SYN1: variants seen among roughly 807,000 people sequenced by gnomAD.
SYN1 encodes synapsin I, also known as synapsin-1.
Under a neutral mutation model 44.6 loss-of-function variants are expected in SYN1, and 8 were observed. That is an observed-to-expected ratio of 0.18 (90% confidence interval 0.11 to 0.32). The LOEUF (loss-of-function observed/expected upper bound fraction) is 0.32. Ranked by LOEUF, SYN1 falls within the 10% of genes least tolerant of loss-of-function variation. SYN1 has a pLI of 1.00. For synonymous variants in SYN1, 275 were observed against 280.1 expected, an observed-to-expected ratio of 0.98 and a Z score of 0.18; for missense variants, 451 against 639.4, an observed-to-expected ratio of 0.71 and a Z score of 3.18.
intron 5 of SYN1, among the ~76,000 whole-genome samples, chrX:47,603,626 C>T (rs1359212881): frequency 9.0e-6 from 1 of 110,664 alleles, no homozygotes; most frequent in Non-Finnish European, 1.9e-5. Context: ...TTTATTCTGG[C>T]ACATTGTAGC....
chrX:47,612,088 G>A (rs2057918209), intron 1 of SYN1, among the ~76,000 whole-genome samples: 1 of 111,632 alleles, frequency 9.0e-6, no homozygotes, highest in Non-Finnish European at 1.9e-5. Flanking sequence ...TGCCATTTAG[G>A]CCAGATGATC....
At position 47,585,382 on chromosome X, in the gene SYN1, C is replaced by A. The variant is rs189627564; in HGVS notation, c.775-7881G>T. 4 of 1,204,855 alleles carry A rather than the reference C, an allele frequency of 3.3e-6. No homozygotes were observed. In the African/African-American group the frequency reaches 7.0e-5, roughly 21 times the overall value. Reference sequence around the variant, plus strand: ...GCCACACCAACCAGTCCCTGGGGCGCGGCCTAGCAACCACGAGGGGGCGAG... The same window carrying A: ...GCCACACCAACCAGTCCCTGGGGCGAGGCCTAGCAACCACGAGGGGGCGAG... On this transcript the variant is annotated intron_variant, in intron 5 of 12. Transcript: ENST00000295987.
intron 5 of SYN1, among the ~76,000 whole-genome samples, chrX:47,589,429 TA>T (rs1487439302): frequency 9.7e-6 from 1 of 102,853 alleles, no homozygotes; most frequent in Non-Finnish European, 2.0e-5. Flanking sequence ...CTGTCTCTAC[TA>T]AAAATACCAA....
chrX:47,589,037 G>C (rs1287352541), intron 5 of SYN1, among the ~76,000 whole-genome samples: 1 of 111,116 alleles, frequency 9.0e-6, no homozygotes, highest in Non-Finnish European at 1.9e-5. Context: ...CATGGTGGCT[G>C]ACGCCTGTAA....
intron 3 of SYN1, among the ~76,000 whole-genome samples, 196 bp downstream of exon 3, chrX:47,606,749 A>ATTT (rs1449578745): frequency 1.1e-4 from 11 of 98,938 alleles, no homozygotes; most frequent in African/African-American, 4.5e-4. Flanking sequence ...ATATATATAT[A>ATTT]TATTTTTTTT....
At chrX:47,616,297 G>A (rs577320454) in intron 1 of SYN1, among the ~76,000 whole-genome samples, 1 of 111,813 alleles carries the variant, frequency 8.9e-6, no homozygotes, top group Non-Finnish European at 1.9e-5. Context: ...ATAAAGGGGG[G>A]CTTCTGAGAT....
At chrX:47,607,716 CA>C (rs1349491913) in intron 1 of SYN1, among the ~76,000 whole-genome samples, 5 of 16,194 alleles carry the variant, frequency 3.1e-4, no homozygotes, top group Non-Finnish European at 4.5e-4. Flanking sequence ...CCCATCTCTA[CA>C]AAAAAAATTG....
At position 47,598,495 on chromosome X, in the gene SYN1, C is replaced by T. The variant is rs374115759; in HGVS notation, c.774+6483G>A. ...GTAACTTGAGCTCAGGAGTTTGAGACCAGCATGGGCAACATGGCAAGGTCC... is the reference window on the plus strand; with the variant it reads ...GTAACTTGAGCTCAGGAGTTTGAGATCAGCATGGGCAACATGGCAAGGTCC... On this transcript the variant is annotated intron_variant, in intron 5 of 12. Transcript: ENST00000295987. Among the ~76,000 whole-genome samples the T allele has an allele frequency of 1.9e-4, 21 of 111,079 alleles. No homozygotes were observed. In the South Asian group the frequency reaches 7.9e-3, roughly 42 times the overall value.
Position 47,608,230 on chromosome X carries a change from G to A in SYN1, c.378-1032C>T, listed in dbSNP as rs767181690. 2.0e-3 allele frequency among the ~76,000 whole-genome samples: 14 copies of A among 6,968 alleles called. No homozygotes were observed. In the East Asian group the frequency reaches 0.18, roughly 89 times the overall value. 6.1% of individuals were successfully genotyped at this position (6,968 alleles called of 115,157 possible). ...AGAGAAAGAAATAAAGAGAAAGGAA[G>A]GAAGGAAGGAAGGAAGGAAGGAAGG... On this transcript the variant is annotated intron_variant, in intron 1 of 12. Transcript: ENST00000295987.
At chrX:47,585,164 T>C (rs755153425) in intron 5 of SYN1, 1 of 1,169,366 alleles carries the variant, frequency 8.6e-7, no homozygotes, top group Admixed American at 2.4e-5. Context: ...AGTGGGAGGA[T>C]TATGTCAGTA....
chrX:47,594,641 A>T (rs776164084), intron 5 of SYN1, among the ~76,000 whole-genome samples: 2 of 111,701 alleles, frequency 1.8e-5, no homozygotes, highest in South Asian at 3.6e-4. Context: ...CTCTGAACAG[A>T]CAGGCCTTGC....
intron 5 of SYN1, chrX:47,604,689 T>G (rs1030380880): frequency 3.5e-5 from 12 of 342,096 alleles, no homozygotes; most frequent in African/African-American, 3.1e-4. Flanking sequence ...ATATTCTGAT[T>G]CATTACATTA....
intron 5 of SYN1, among the ~76,000 whole-genome samples, chrX:47,583,768 A>G (rs762864743): frequency 4.5e-5 from 5 of 111,538 alleles, no homozygotes; most frequent in Non-Finnish European, 9.4e-5. Flanking sequence ...AGGTATCCAC[A>G]TGGGTGGCTG....
chrX:47,584,874 A>G lies in SYN1; in HGVS notation c.775-7373T>C, dbSNP rs1257328178. ...TGCTGGTATGATGATGATGATGATGATGATCTTATTTTTATTGGCTCATGC... is the reference window on the plus strand; with the variant it reads ...TGCTGGTATGATGATGATGATGATGGTGATCTTATTTTTATTGGCTCATGC... On this transcript the variant is annotated intron_variant, in intron 5 of 12. Coordinates refer to ENST00000295987, the MANE Select transcript of SYN1 (RefSeq NM_006950.3). The G allele has an allele frequency of 3.9e-5, 38 of 979,212 alleles. 1 individual carries two copies. The Admixed American group carries it at 8.4e-4, about 22-fold the overall frequency. The allele number at this position is 979,212 out of a possible 1,213,427, so 80.7% of individuals were successfully genotyped here. A position where few individuals can be genotyped will look rare whatever the true frequency, so the allele number is the denominator to read the frequency against.
At position 47,576,227 on chromosome X, in the gene SYN1, C is replaced by T; in HGVS notation, c.1062G>A (p.Lys354=). The T allele has an allele frequency of 1.7e-6, 2 of 1,201,948 alleles. No homozygotes were observed. Among genetic ancestry groups the T allele is most frequent in the Non-Finnish European group, 2.2e-6 (2 of 890,310 alleles). The change falls in exon 9 of 13, where the codon AAG becomes AAA. Residue 354 remains lysine (K), a synonymous_variant. Coordinates refer to ENST00000295987, the MANE Select transcript of SYN1 (RefSeq NM_006950.3). The part of the protein sequence containing the change: ...LEQIAMSDRY[K]LWVDTCSEIF... ...TCTCTGAGCACGTGTCCACCCACAG[C>T]TTGTATCTGCCAAGACAAAGGGTGG...
chrX:47,613,426 C>T (rs768889448), intron 1 of SYN1, among the ~76,000 whole-genome samples: 8 of 111,842 alleles, frequency 7.2e-5, no homozygotes, highest in East Asian at 2.8e-4. Flanking sequence ...ATCCCTGACA[C>T]GCCACCATCC....
At chrX:47,583,511 G>A (rs1233778856) in intron 5 of SYN1, 1 of 1,199,627 alleles carries the variant, frequency 8.3e-7, no homozygotes, top group African/African-American at 1.8e-5. Context: ...CCCACCCACA[G>A]ACGGCCTTCT....
At chrX:47,604,674 G>T in intron 5 of SYN1, 1 of 299,747 alleles carries the variant, frequency 3.3e-6, no homozygotes, top group East Asian at 6.5e-5. Context: ...ATTTCTATAT[G>T]TAATATATTC....
chrX:47,593,914 G>A (rs990331644), intron 5 of SYN1, among the ~76,000 whole-genome samples: 8 of 111,780 alleles, frequency 7.2e-5, no homozygotes, highest in African/African-American at 2.0e-4. Flanking sequence ...CCACGCTAAC[G>A]TCTTACATTT....
Sources: allele counts gnomAD v4.1 joint callset (sites outside exome capture counted in the v4.1 genomes callset), GRCh38; gene constraint gnomAD v4.1.1; transcripts MANE v1.5; gene names NCBI Gene and HGNC (gene_info 2026-07-23, HGNC 2026-07-21).